The following KIAA1217 variants were observed in gnomAD, a reference collection of about 807,000 sequenced individuals.
KIAA1217 encodes KIAA1217, also known as sickle tail protein homolog.
KIAA1217 carries 88 observed loss-of-function variants against 163.9 expected under a neutral mutation model. The ratio of observed to expected loss-of-function variants is 0.54; its 90% confidence interval spans 0.45 to 0.64. KIAA1217 has a LOEUF of 0.64. Ranked by LOEUF, KIAA1217 falls within the 30% of genes least tolerant of loss-of-function variation. The pLI, the probability that KIAA1217 is intolerant of heterozygous loss-of-function variation, is 0.00. For missense variants in KIAA1217, 2,372 were observed against 2,475.0 expected (o/e 0.96, Z 0.88); for synonymous variants, 903 against 923.1 (o/e 0.98, Z 0.39).
intron 9 of KIAA1217, among the ~76,000 whole-genome samples, chr10:24,505,659 T>A (rs2068244423): frequency 6.6e-6 from 1 of 152,028 alleles, no homozygotes; most frequent in African/African-American, 2.4e-5. Context: ...GATGGCGACC[T>A]CCTACTTCTT....
At chr10:24,393,828 A>C (rs552583720) in intron 3 of KIAA1217, among the ~76,000 whole-genome samples, 1 of 152,308 alleles carries the variant, frequency 6.6e-6, no homozygotes, top group East Asian at 1.9e-4. Flanking sequence ...ACCTTGATCA[A>C]AATAACTCTG....
At chr10:24,386,524 T>A (rs1170251586) in intron 3 of KIAA1217, among the ~76,000 whole-genome samples, 1 of 152,136 alleles carries the variant, frequency 6.6e-6, no homozygotes, top group Non-Finnish European at 1.5e-5. Flanking sequence ...ACTGTCTGAA[T>A]GTGAACAGTT....
chr10:24,523,074 G>GC (rs942969100), intron 12 of KIAA1217, among the ~76,000 whole-genome samples: 7 of 151,794 alleles, frequency 4.6e-5, no homozygotes, highest in African/African-American at 1.7e-4. Context: ...GATCACTTAG[G>GC]CCAGGAGTTC....
chr10:24,204,664 T>C (rs1236001724), upstream of KIAA1217, among the ~76,000 whole-genome samples: 1 of 152,164 alleles, frequency 6.6e-6, no homozygotes. Flanking sequence ...CAGTTGTAAT[T>C]ATTAATAGTG....
intron 2 of KIAA1217, among the ~76,000 whole-genome samples, chr10:24,067,653 A>G: frequency 6.6e-6 from 1 of 152,200 alleles, no homozygotes; most frequent in East Asian, 1.9e-4. Flanking sequence ...TGGGAGAACC[A>G]CTACTCTCTT....
rs1366371269 is a variant in KIAA1217 at position 23,790,392 on chromosome 10, T to TATATATAC, written c.-321+95172_-321+95179dup. The stretch of plus-strand genomic sequence containing the variant: ...ATATACATATGTATATATACATATG[T>TATATATAC]ATATATACATATATACATATACATA... On this transcript the variant is annotated intron_variant, in intron 1 of 18. Coordinates refer to the KIAA1217 transcript ENST00000376462. 3.6e-5 allele frequency among the ~76,000 whole-genome samples: 3 copies of TATATATAC among 82,470 alleles called. 1 individual carries two copies. Among genetic ancestry groups the TATATATAC allele is most frequent in the Non-Finnish European group, 7.2e-5 (3 of 41,812 alleles). The allele number at this position is 82,470 out of a possible 152,430, so 54.1% of individuals were successfully genotyped here.
chr10:24,407,584 G>C (rs939594142), intron 3 of KIAA1217, among the ~76,000 whole-genome samples: 2 of 152,016 alleles, frequency 1.3e-5, no homozygotes, highest in African/African-American at 4.8e-5. Flanking sequence ...AGAATGATAG[G>C]GTGTGAGCCC....
intron 1 of KIAA1217, among the ~76,000 whole-genome samples, chr10:23,942,264 T>C (rs1051947631): frequency 3.3e-5 from 5 of 152,178 alleles, no homozygotes; most frequent in Admixed American, 1.3e-4. Context: ...CAAAGACTTT[T>C]AAATAGCTTC....
At chr10:23,856,251 TC>T (rs1839654002) in intron 1 of KIAA1217, among the ~76,000 whole-genome samples, 1 of 152,224 alleles carries the variant, frequency 6.6e-6, no homozygotes, top group South Asian at 2.1e-4. Flanking sequence ...CAGCTGCAGG[TC>T]TGTTGGAGTT....
At chr10:23,704,172 G>GTGTGTGTGTGTGTGTGTGTATATATA (rs1229370789) in intron 1 of KIAA1217, among the ~76,000 whole-genome samples, 1 of 39,948 alleles carries the variant, frequency 2.5e-5, no homozygotes, top group African/African-American at 1.3e-4. Flanking sequence ...GTGTGTGTGT[G>GTGTGTGTGTGTGTGTGTGTATATATA]TATATATATA....
At chr10:23,879,520 A>G (rs1048397859) in intron 1 of KIAA1217, among the ~76,000 whole-genome samples, 2 of 151,932 alleles carry the variant, frequency 1.3e-5, no homozygotes, top group African/African-American at 2.4e-5. Flanking sequence ...CGTCAAACCA[A>G]TGAAGACTGA....
At chr10:24,436,193 A>G (rs2060006476) in intron 4 of KIAA1217, among the ~76,000 whole-genome samples, 1 of 152,112 alleles carries the variant, frequency 6.6e-6, no homozygotes, top group Admixed American at 6.5e-5. Context: ...AAAAACTCTC[A>G]TTTAAAATAT....
rs1180873836 is a variant in KIAA1217, at chr10:24,543,369, G to C, written c.4099G>C (p.Glu1367Gln). ...TAACGTGAACCCTAATGAGGATGGA[G>C]AATCAAGTTCAAGTTCTCCCACTGA... Reference protein sequence around the residue: ...HANVNPNEDGESSSSSPTEEN... With the variant: ...HANVNPNEDGQSSSSSPTEEN... Residue 1367 changes from glutamate to glutamine, a missense_variant, in exon 19 of 21, where the codon GAA becomes CAA. Around this residue, in one of 3 missense-constraint regions of KIAA1217, gnomAD observed 251 missense variants for 327.3 expected, o/e 0.77. Coordinates refer to ENST00000376454, the MANE Select transcript of KIAA1217 (RefSeq NM_019590.5). 1 of 1,614,072 alleles carries C rather than the reference G, an allele frequency of 6.2e-7. No homozygotes were observed. The highest frequency in any genetic ancestry group is 8.5e-7 in the Non-Finnish European group (1 of 1,180,050).
chr10:23,820,036 C>T (rs1205833557), intron 1 of KIAA1217, among the ~76,000 whole-genome samples: 1 of 152,144 alleles, frequency 6.6e-6, no homozygotes, highest in East Asian at 1.9e-4. Context: ...AATATATGTG[C>T]ACAAATACAG....
chr10:24,290,661 T>C (rs1258491390), intron 2 of KIAA1217, among the ~76,000 whole-genome samples: 1 of 151,146 alleles, frequency 6.6e-6, no homozygotes, highest in Non-Finnish European at 1.5e-5. Flanking sequence ...TGGAGTGTAG[T>C]GGTGTGATCT....
chr10:24,545,306 T>A lies in KIAA1217; in HGVS notation c.5334+203T>A, dbSNP rs144314395. ...TTGCATGCTTGCAATAAAACATCTT[T>A]TACTTTGTGACTCCAAACTCCAAAT... On this transcript the variant is annotated intron_variant, in intron 20 of 20. Transcript: ENST00000376454. The A allele has an allele frequency of 5.0e-6, 7 of 1,405,670 alleles. No individual in the cohort carries two copies. In the African/African-American group the frequency reaches 1.0e-4, roughly 20 times the overall value. The allele number at this position is 1,405,670 out of a possible 1,614,324, so 87.1% of individuals were successfully genotyped here. A position where few individuals can be genotyped will look rare whatever the true frequency, so the allele number is the denominator to read the frequency against.
chr10:24,098,724 C>CGCGT (rs373969607), intron 2 of KIAA1217, among the ~76,000 whole-genome samples: 2 of 139,366 alleles, frequency 1.4e-5, no homozygotes, highest in South Asian at 4.8e-4. Context: ...TGAAGGGGAG[C>CGCGT]GTGTGTGTGT....
In KIAA1217 at chr10:23,790,501, G is replaced by GTATATATACATATATA. The variant is rs1723627116; in HGVS notation, c.-321+95267_-321+95268insTATATATACATATATA. 3.5e-5 allele frequency among the ~76,000 whole-genome samples: 3 copies of GTATATATACATATATA among 85,204 alleles called. 1 individual carries two copies. Among genetic ancestry groups the GTATATATACATATATA allele is most frequent in the African/African-American group, 1.7e-4 (2 of 12,022 alleles). The allele number at this position is 85,204 out of a possible 152,430, so 55.9% of individuals were successfully genotyped here. A position where few individuals can be genotyped will look rare whatever the true frequency, so the allele number is the denominator to read the frequency against. On this transcript the variant is annotated intron_variant, in intron 1 of 18. Transcript: ENST00000376462. ...TGTGCATATATACATATATACATGT[G>GTATATATACATATATA]CATATATACATATGTATATATACAT...
intron 1 of KIAA1217, among the ~76,000 whole-genome samples, chr10:23,884,160 T>C (rs1002659839): frequency 3.3e-5 from 5 of 151,838 alleles, no homozygotes; most frequent in African/African-American, 1.2e-4. Context: ...AGCAAGGGTG[T>C]GTTTAGTGCT....
Sources: gnomAD v4.1 joint callset for allele counts (sites outside exome capture counted in the v4.1 genomes callset) on GRCh38, gnomAD v4.1.1 for gene constraint, gnomAD v4.1.1 regional missense constraint, MANE v1.5 for transcripts, NCBI Gene and HGNC (gene_info 2026-07-23, HGNC 2026-07-21) for gene names.